The following RGS7 variants were observed in gnomAD, a reference collection of about 807,000 sequenced individuals.
RGS7 encodes regulator of G protein signaling 7, also known as regulator of G-protein signaling 7.
Under a neutral mutation model 81.1 loss-of-function variants are expected in RGS7, and 27 were observed. The ratio of observed to expected loss-of-function variants is 0.33; its 90% CI spans 0.25 to 0.46. The LOEUF (loss-of-function observed/expected upper bound fraction) is 0.46, where lower values mean the gene tolerates loss of function less well. RGS7 is among the 20% of genes least tolerant of loss of function. RGS7 has a pLI of 1.00. For missense variants in RGS7, 396 were observed against 607.4 expected, an observed-to-expected ratio of 0.65 and a Z score of 3.66; for synonymous variants, 208 against 207.7, an observed-to-expected ratio of 1.00 and a Z score of -0.01.
chr1:241,047,733 C>CTTTTTTTTTTTTTT (rs34738551), intron 3 of RGS7, among the ~76,000 whole-genome samples: 3 of 89,514 alleles, frequency 3.4e-5, no homozygotes, highest in Non-Finnish European at 4.2e-5. Flanking sequence ...GTTTACAATC[C>CTTTTTTTTTTTTTT]TTTTTTTTTT....
intron 2 of RGS7, among the ~76,000 whole-genome samples, chr1:241,284,704 G>C (rs2078699821): frequency 6.6e-6 from 1 of 152,188 alleles, no homozygotes; most frequent in Admixed American, 6.5e-5. Flanking sequence ...TCACCCTAGT[G>C]AGAGTGCTGG....
At chr1:241,143,712 G>A (rs1354193640) in intron 2 of RGS7, among the ~76,000 whole-genome samples, 5 of 152,172 alleles carry the variant, frequency 3.3e-5, no homozygotes, top group African/African-American at 1.2e-4. Context: ...ACTTATTTAT[G>A]TGAAATACTA....
intron 2 of RGS7, among the ~76,000 whole-genome samples, chr1:241,313,354 A>C (rs1223127675): frequency 6.6e-6 from 1 of 152,238 alleles, no homozygotes; most frequent in Non-Finnish European, 1.5e-5. Context: ...TCAAAGCTTC[A>C]AAGGACAGGC....
chr1:241,339,824 G>A (rs1196827240), intron 2 of RGS7, among the ~76,000 whole-genome samples: 1 of 152,132 alleles, frequency 6.6e-6, no homozygotes, highest in African/African-American at 2.4e-5. Flanking sequence ...GCCTAGCAGT[G>A]TAGGAGCCTG....
intron 2 of RGS7, among the ~76,000 whole-genome samples, chr1:241,273,185 C>A (rs929200778): frequency 7.5e-6 from 1 of 133,342 alleles, no homozygotes; most frequent in African/African-American, 2.6e-5. Context: ...ACCCCCCCCC[C>A]CAAAGGATAC....
chr1:241,099,458 T>A (rs949435455), intron 2 of RGS7, among the ~76,000 whole-genome samples: 23 of 152,068 alleles, frequency 1.5e-4, no homozygotes, highest in African/African-American at 5.6e-4. Context: ...ATGTATACAA[T>A]AAAATGAATG....
At chr1:241,121,093 G>T (rs2066227943) in intron 2 of RGS7, among the ~76,000 whole-genome samples, 1 of 152,086 alleles carries the variant, frequency 6.6e-6, no homozygotes, top group Non-Finnish European at 1.5e-5. Flanking sequence ...TACTCCCCTT[G>T]CCTGGGCTCC....
intron 4 of RGS7, among the ~76,000 whole-genome samples, chr1:240,937,839 C>T (rs1453540776): frequency 6.6e-6 from 1 of 152,122 alleles, no homozygotes; most frequent in Non-Finnish European, 1.5e-5. Context: ...ATTGTTCTAG[C>T]TTTTACTATT....
chr1:240,814,924 G>A lies in RGS7; in HGVS notation c.784-147C>T, dbSNP rs547666401. On this transcript the variant is annotated intron_variant, in intron 11 of 18. Transcript: ENST00000440928. ...AGTTGGTTAAAAAAATAGAAGCAGA[G>A]GGCTCTTAAAGAGTTAACAAAATGA... 134 of 675,044 alleles carry A rather than the reference G, an allele frequency of 2.0e-4. No homozygotes were observed. In the South Asian group the frequency reaches 2.2e-3, roughly 11 times the overall value. 41.8% of individuals were successfully genotyped at this position (675,044 alleles called of 1,614,324 possible). A position where few individuals can be genotyped will look rare whatever the true frequency, so the allele number is the denominator to read the frequency against.
intron 2 of RGS7, among the ~76,000 whole-genome samples, chr1:241,273,968 C>G (rs1390977363): frequency 6.6e-6 from 1 of 152,018 alleles, no homozygotes; most frequent in Non-Finnish European, 1.5e-5. Flanking sequence ...ATGCAGCCAC[C>G]AAAAGTTGGG....
chr1:241,336,105 C>T (rs368275843), intron 2 of RGS7, among the ~76,000 whole-genome samples: 1 of 151,834 alleles, frequency 6.6e-6, no homozygotes, highest in Admixed American at 6.6e-5. Context: ...TATCCCAGAC[C>T]ACTTTTTCTA....
chr1:240,885,487 G>T (rs894390304), intron 6 of RGS7, among the ~76,000 whole-genome samples: 2 of 152,148 alleles, frequency 1.3e-5, no homozygotes, highest in African/African-American at 4.8e-5. Flanking sequence ...CAAAGACATG[G>T]AATCAGCCTA....
At chr1:241,061,961 A>G (rs529449911) in intron 3 of RGS7, among the ~76,000 whole-genome samples, 18 of 152,328 alleles carry the variant, frequency 1.2e-4, no homozygotes, top group Admixed American at 3.3e-4. Context: ...GAATCACAAC[A>G]TATTTATTCC....
chr1:240,929,506 C>T (rs1344368406), intron 6 of RGS7, among the ~76,000 whole-genome samples: 3 of 151,922 alleles, frequency 2.0e-5, no homozygotes, highest in East Asian at 3.9e-4. Context: ...ATGTTAGTTT[C>T]GACTCTTTTG....
intron 2 of RGS7, among the ~76,000 whole-genome samples, chr1:241,188,510 T>C (rs1042224392): frequency 6.6e-6 from 1 of 152,180 alleles, no homozygotes. Flanking sequence ...TAAACTCTGG[T>C]AATAGAAAAA....
chr1:240,802,434 A>T (rs1572155716), intron 16 of RGS7, among the ~76,000 whole-genome samples: 1 of 152,296 alleles, frequency 6.6e-6, no homozygotes, highest in South Asian at 2.1e-4. Flanking sequence ...GCCAAATAAA[A>T]ATATTCGGAA....
At chr1:241,063,793 T>C (rs1397136457) in intron 3 of RGS7, among the ~76,000 whole-genome samples, 1 of 152,194 alleles carries the variant, frequency 6.6e-6, no homozygotes, top group African/African-American at 2.4e-5. Context: ...TTATAATGAA[T>C]GAAATAAGCA....
rs114051974 is a variant in RGS7 at position 240,811,959 on chromosome 1, G to C, written c.1041C>G (p.Phe347Leu). The change falls in exon 14 of 19, where the codon TTC (phenylalanine) becomes TTG (leucine). Residue 347 changes from phenylalanine to leucine, a missense_variant. Transcript: ENST00000440928. ...ALKDPVGREQ[F>L]LKFLESEFSS... ...TGAATTCTGACTCTAGAAATTTAAG[G>C]AACTGTTCTCTCCCAACTGGGTCTT... 3.1e-6 allele frequency: 5 copies of C among 1,613,458 alleles called. No homozygotes were observed. The East Asian group carries it at 1.1e-4, about 36-fold the overall frequency.
chr1:240,873,010 C>CA (rs992563876), intron 6 of RGS7, among the ~76,000 whole-genome samples: 3 of 151,938 alleles, frequency 2.0e-5, no homozygotes, highest in African/African-American at 7.3e-5. Flanking sequence ...ACCCAGGAGA[C>CA]AGAGGTTGCA....
Sources: allele counts gnomAD v4.1 joint callset (sites outside exome capture counted in the v4.1 genomes callset), GRCh38; gene constraint gnomAD v4.1.1; transcripts MANE v1.5; gene names NCBI Gene and HGNC (gene_info 2026-07-23, HGNC 2026-07-21).